TEKTIP1: variants seen among roughly 807,000 people sequenced by gnomAD.
TEKTIP1 encodes the protein tektin bundle interacting protein 1.
At chr19:3,542,447 G>C in the TEKTIP1 span, 57 of 985,228 alleles carry the variant, frequency 5.8e-5, no homozygotes, top group Non-Finnish European at 6.5e-5. Flanking sequence ...CCAAGAGCAA[G>C]GTCAAAGCAT....
the TEKTIP1 span, chr19:3,539,989 C>G: frequency 6.6e-6 from 1 of 152,074 alleles, no homozygotes; most frequent in Non-Finnish European, 1.5e-5. Flanking sequence ...TGGTGGCCCA[C>G]ACCTGTAATC....
chr19:3,542,323 T>C, the TEKTIP1 span: 2 of 985,372 alleles, frequency 2.0e-6, no homozygotes, highest in Non-Finnish European at 2.4e-6. Context: ...GTTCCTGCCA[T>C]GAGAGCTGGA....
chr19:3,540,463 G>A, the TEKTIP1 span, among the ~76,000 whole-genome samples: 221 of 150,044 alleles, frequency 1.5e-3, 1 homozygote, highest in South Asian at 5.0e-3. Flanking sequence ...TCACCATGTT[G>A]GCCAGGATGG....
the TEKTIP1 span, chr19:3,543,840 A>G: frequency 2.6e-6 from 4 of 1,535,486 alleles, no homozygotes; most frequent in Non-Finnish European, 3.5e-6. Flanking sequence ...GCTCAACAGG[A>G]ACCGGTACGG....
chr19:3,543,520 G>T, the TEKTIP1 span: 1 of 1,529,350 alleles, frequency 6.5e-7, no homozygotes, highest in South Asian at 1.2e-5. Context: ...GCCAGAGGGG[G>T]ACAGGAATGA....
At chr19:3,544,018 C>T in the TEKTIP1 span, 307 of 1,529,420 alleles carry the variant, frequency 2.0e-4, 1 homozygote, top group Non-Finnish European at 2.7e-4. Context: ...TAAAGGCATG[C>T]TACCAGGATG....
the TEKTIP1 span, chr19:3,543,046 G>A: frequency 6.2e-7 from 1 of 1,605,020 alleles, no homozygotes; most frequent in Non-Finnish European, 8.5e-7. Flanking sequence ...GGGGGAGTCA[G>A]CCTCTCTCCT....
the TEKTIP1 span, chr19:3,542,711 G>A: frequency 7.0e-6 from 9 of 1,287,776 alleles, no homozygotes; most frequent in East Asian, 1.1e-4. Context: ...TCGAACTCCT[G>A]ACCTCAAGTG....
chr19:3,541,573 G>T, the TEKTIP1 span: 1 of 787,246 alleles, frequency 1.3e-6, no homozygotes. Context: ...CGCCTGCCTC[G>T]GCCTCCCACA....
chr19:3,541,343 AAG>A, the TEKTIP1 span, among the ~76,000 whole-genome samples: 1 of 151,414 alleles, frequency 6.6e-6, no homozygotes, highest in African/African-American at 2.4e-5. Context: ...CAAAAAAAAA[AAG>A]AGGGTCTCGC....
the TEKTIP1 span, chr19:3,542,891 G>C: frequency 7.1e-7 from 1 of 1,408,802 alleles, no homozygotes; most frequent in Non-Finnish European, 9.5e-7. Context: ...GGACTTGTGG[G>C]TCTTGGAGGC....
At chr19:3,542,992 G>C in the TEKTIP1 span, 1 of 1,588,956 alleles carries the variant, frequency 6.3e-7, no homozygotes, top group African/African-American at 1.3e-5. Flanking sequence ...GAACAGAAAG[G>C]TTTAGTGCTG....
chr19:3,541,779 G>C, the TEKTIP1 span: 11 of 985,198 alleles, frequency 1.1e-5, no homozygotes, highest in Admixed American at 6.2e-5. Flanking sequence ...GCAGGGGTGA[G>C]GGGCTCATTT....
chr19:3,539,268 C>T, the TEKTIP1 span: 2 of 1,539,404 alleles, frequency 1.3e-6, no homozygotes, highest in Non-Finnish European at 1.8e-6. Flanking sequence ...CAGGTGAGCC[C>T]CTCCCTACAG....
chr19:3,543,017 G>T, the TEKTIP1 span: 1 of 1,604,414 alleles, frequency 6.2e-7, no homozygotes, highest in South Asian at 1.1e-5. Context: ...GGGTGCTTGG[G>T]GTGCGATGTG....
At chr19:3,540,078 C>G in the TEKTIP1 span, 2 of 149,312 alleles carry the variant, frequency 1.3e-5, no homozygotes. Context: ...ATAGTGAGAC[C>G]CATCTCTTTT....
the TEKTIP1 span, chr19:3,544,019 T>C: frequency 6.6e-7 from 1 of 1,522,184 alleles, no homozygotes; most frequent in South Asian, 1.2e-5. Context: ...AAAGGCATGC[T>C]ACCAGGATGC....
chr19:3,544,027 T>A, the TEKTIP1 span: 1 of 1,521,422 alleles, frequency 6.6e-7, no homozygotes, highest in Non-Finnish European at 8.9e-7. Flanking sequence ...GCTACCAGGA[T>A]GCACCCACTG....
the TEKTIP1 span, chr19:3,539,692 C>T: frequency 5.7e-5 from 10 of 174,506 alleles, no homozygotes; most frequent in Non-Finnish European, 8.5e-5. Context: ...TTCCTGTCTG[C>T]GTCCAAGTTT....
Sources: gnomAD v4.1 joint callset for allele counts (sites outside exome capture counted in the v4.1 genomes callset) on GRCh38, gnomAD v4.1.1 for gene constraint, MANE v1.5 for transcripts, NCBI Gene and HGNC (gene_info 2026-07-23, HGNC 2026-07-21) for gene names.